RASAL1: variants seen among roughly 807,000 people sequenced by gnomAD.
The protein encoded by RASAL1 is rasGAP-activating-like protein 1.
Under a neutral mutation model 96.6 loss-of-function variants are expected in RASAL1, and 72 were observed. The observed-to-expected ratio is 0.75, with a 90% CI of 0.62 to 0.91. The LOEUF is 0.91. Among genes scored for constraint, RASAL1 ranks in the 40% least tolerant of loss-of-function variants. RASAL1 has a pLI of 0.00. For synonymous variants in RASAL1, 405 were observed against 430.4 expected, an observed-to-expected ratio of 0.94 and a Z score of 0.73; for missense variants, 1,016 against 1,072.5, an observed-to-expected ratio of 0.95 and a Z score of 0.74.
chr12:113,110,139 C>T (rs996873569), intron 13 of RASAL1, among the ~76,000 whole-genome samples: 4 of 152,194 alleles, frequency 2.6e-5, no homozygotes, highest in Non-Finnish European at 4.4e-5. Flanking sequence ...CAGGTGAGAG[C>T]CCAGCAAGGT....
At chr12:113,113,225 A>G (rs1353734727) in intron 12 of RASAL1, among the ~76,000 whole-genome samples, 1 of 152,136 alleles carries the variant, frequency 6.6e-6, no homozygotes, top group Non-Finnish European at 1.5e-5. Flanking sequence ...TGTGTCCTGG[A>G]CCCAACGTGC....
rs762221735 is a variant in RASAL1, at chr12:113,135,396, A to C, written c.65+2T>G. 1 of 1,608,344 alleles carries C rather than the reference A, an allele frequency of 6.2e-7. No individual in the cohort carries two copies. Among genetic ancestry groups the C allele is most frequent in the Non-Finnish European group, 8.5e-7 (1 of 1,177,894 alleles). On this transcript the variant is annotated splice_donor_variant, in intron 1 of 20. Transcript: ENST00000548055. LOFTEE classifies it high-confidence loss of function. This position sits in a 1 kb window ranked among gnomAD's most constrained non-coding sequence, Gnocchi z 5.7. The stretch of plus-strand genomic sequence containing the variant: ...ACCCAGAAGCGCCCGAGGAGTACTC[A>C]CACGTCCTTGGCAGGCAGCGCGCGG...
intron 18 of RASAL1, chr12:113,103,124 T>TAA (rs1451918505): frequency 3.8e-6 from 1 of 263,248 alleles, no homozygotes; most frequent in Non-Finnish European, 7.8e-6. Flanking sequence ...TTATACATTG[T>TAA]AATACATCAT....
At chr12:113,110,181 A>G (rs758247119) in intron 13 of RASAL1, among the ~76,000 whole-genome samples, 1 of 152,186 alleles carries the variant, frequency 6.6e-6, no homozygotes, top group Non-Finnish European at 1.5e-5. Context: ...CCCAGTCTCA[A>G]GGCCCAGAGC....
At position 113,135,488 on chromosome 12, in the gene RASAL1, C is replaced by A; in HGVS notation, c.-26G>T. 6.3e-7 allele frequency: 1 copy of A among 1,585,554 alleles called. No homozygotes were observed. ...GGCGCCTAGCCACAAACTTTCCAGG[C>A]AGAAGGGCGCTCAGGTTCCGAGGCT... On this transcript the variant is annotated 5_prime_UTR_variant, in exon 1 of 21. Coordinates refer to ENST00000548055, the MANE Select transcript of RASAL1 (RefSeq NM_001301202.2). The surrounding 1 kb of genome is among the most constrained non-coding windows in gnomAD (Gnocchi z 5.7).
rs1354249022 is a variant in RASAL1, at chr12:113,122,509, G to A, written c.299-871C>T. Among the ~76,000 whole-genome samples the A allele has an allele frequency of 2.0e-5, 3 of 151,996 alleles. No individual in the cohort carries two copies. In the East Asian group the frequency reaches 5.8e-4, roughly 30 times the overall value. On this transcript the variant is annotated intron_variant, in intron 4 of 20. Transcript: ENST00000548055. ...TAGCTAATTTTTTGTGTTTTTTGTA[G>A]AGACGAGGTTTTGCCATGTTGCCCA... is the stretch of plus-strand genomic sequence containing the variant.
At chr12:113,100,949 C>G (rs1478957041) in intron 19 of RASAL1, among the ~76,000 whole-genome samples, 2 of 152,204 alleles carry the variant, frequency 1.3e-5, no homozygotes, top group Admixed American at 1.3e-4. Flanking sequence ...CACTGAGACA[C>G]AGAGAGGTTA....
At chr12:113,110,313 G>A (rs1426898216) in intron 13 of RASAL1, among the ~76,000 whole-genome samples, 2 of 152,220 alleles carry the variant, frequency 1.3e-5, no homozygotes, top group Non-Finnish European at 2.9e-5. Flanking sequence ...ACAGGAAGTG[G>A]AGAGAGATGT....
upstream of RASAL1, chr12:113,136,185 A>C (rs1276615427): frequency 6.6e-6 from 1 of 152,142 alleles, no homozygotes; most frequent in Non-Finnish European, 1.5e-5. Flanking sequence ...GTTCAGAGTC[A>C]AGGGAGGGGC....
At chr12:113,114,506 A>T (rs1233285235) in intron 12 of RASAL1, among the ~76,000 whole-genome samples, 2 of 152,136 alleles carry the variant, frequency 1.3e-5, no homozygotes, top group Non-Finnish European at 2.9e-5. Flanking sequence ...AAGGAAAAGA[A>T]AAGAAGCAAC....
At chr12:113,120,019 C>A (rs1951232480) in intron 5 of RASAL1, among the ~76,000 whole-genome samples, 3 of 152,174 alleles carry the variant, frequency 2.0e-5, no homozygotes. Context: ...CACACCTTGT[C>A]TAGGACCCAA....
chr12:113,110,372 C>T (rs1317518000), intron 13 of RASAL1, among the ~76,000 whole-genome samples: 9 of 152,222 alleles, frequency 5.9e-5, no homozygotes, highest in Admixed American at 5.2e-4. Flanking sequence ...TGGGTTACGA[C>T]ATTGCCAAAA....
At position 113,121,527 on chromosome 12, in the gene RASAL1, C is replaced by T. The variant is rs1339313523; in HGVS notation, c.410G>A (p.Cys137Tyr). 1 of 1,614,188 alleles carries T rather than the reference C, an allele frequency of 6.2e-7. No homozygotes were observed. Reference sequence around the variant, plus strand: ...AGCATACCTGGCCTGAAGCACATGGCAGCGAAGGCAGCGGCCCTGCCCATC... The same window carrying T: ...AGCATACCTGGCCTGAAGCACATGGTAGCGAAGGCAGCGGCCCTGCCCATC... ...LEDGQGRCLR[C>Y]HVLQARDLAP... The change falls in exon 5 of 21, where the codon TGC becomes TAC. Residue 137 changes from cysteine to tyrosine, a missense_variant. By Grantham distance (194) the Cys-to-Tyr change is radical. Transcript: ENST00000548055.
At chr12:113,102,419 G>A (rs866389897) in intron 18 of RASAL1, among the ~76,000 whole-genome samples, 1 of 152,018 alleles carries the variant, frequency 6.6e-6, no homozygotes, top group Non-Finnish European at 1.5e-5. Flanking sequence ...TTAGCCAGGC[G>A]TGGTGGCTCA....
chr12:113,111,972 G>T, intron 13 of RASAL1, 114 bp downstream of exon 13: 1 of 941,776 alleles, frequency 1.1e-6, no homozygotes, highest in Non-Finnish European at 1.4e-6. Context: ...TGCCAGGACA[G>T]AATGCTCTAG....
chr12:113,116,088 G>A, intron 8 of RASAL1, 37 bp from the exon 9 acceptor site: 1 of 1,505,778 alleles, frequency 6.6e-7, no homozygotes, highest in Non-Finnish European at 9.0e-7. Flanking sequence ...TGAAAGATCT[G>A]GCCGAACACG....
At chr12:113,112,954 A>T (rs149427749) in intron 12 of RASAL1, among the ~76,000 whole-genome samples, 11 of 149,498 alleles carry the variant, frequency 7.4e-5, no homozygotes, top group African/African-American at 2.5e-4. Context: ...TCCATCTCAA[A>T]AAATAAATAA....
rs1460040318 is a variant in RASAL1, at chr12:113,099,670, A to C, written c.*259T>G. 1 of 369,994 alleles carries C rather than the reference A, an allele frequency of 2.7e-6. No individual in the cohort carries two copies. The highest frequency in any genetic ancestry group is 2.1e-5 in the African/African-American group (1 of 48,326). The allele number at this position is 369,994 out of a possible 1,614,324, so 22.9% of individuals were successfully genotyped here. On this transcript the variant is annotated 3_prime_UTR_variant, in exon 21 of 21. Transcript: ENST00000548055. ...TAGAGACCCCAGTCTCAGTCAAATAAGTCAGGTTCCTTATCCTATCCACTC... is the reference window on the plus strand; with the variant it reads ...TAGAGACCCCAGTCTCAGTCAAATACGTCAGGTTCCTTATCCTATCCACTC...
intron 18 of RASAL1, chr12:113,103,706 A>AT (rs1950541934): frequency 1.7e-6 from 1 of 596,182 alleles, no homozygotes; most frequent in African/African-American, 1.9e-5. Context: ...AGTACTTTAG[A>AT]AATAACACGT....
Sources: allele counts gnomAD v4.1 joint callset (sites outside exome capture counted in the v4.1 genomes callset), GRCh38; gene constraint gnomAD v4.1.1; non-coding constraint Gnocchi (gnomAD v3.1); transcripts MANE v1.5; gene names NCBI Gene and HGNC (gene_info 2026-07-23, HGNC 2026-07-21).